COL26A1: variants seen among roughly 807,000 people sequenced by gnomAD.
COL26A1 encodes collagen type XXVI alpha 1 chain, also known as collagen alpha-1(XXVI) chain.
Under a neutral mutation model 59.3 loss-of-function variants are expected in COL26A1, and 41 were observed. That is an observed-to-expected ratio of 0.69 (90% confidence interval 0.54 to 0.90). COL26A1 has a LOEUF of 0.90. Among genes scored for constraint, COL26A1 ranks in the 40% least tolerant of loss-of-function variants. The pLI, the probability that COL26A1 is intolerant of heterozygous loss-of-function variation, is 0.00. For missense variants in COL26A1, 612 were observed against 602.3 expected (o/e 1.02, Z -0.17); for synonymous variants, 266 against 256.0 (o/e 1.04, Z -0.37).
chr7:101,489,760 T>C (rs1393243350), intron 3 of COL26A1, among the ~76,000 whole-genome samples: 182 of 4,080 alleles, frequency 0.045, 35 homozygotes, highest in South Asian at 0.074. Flanking sequence ...TTGTCTCTCT[T>C]TCTTTCTTTC....
chr7:101,434,763 A>G (rs888793739), intron 2 of COL26A1, among the ~76,000 whole-genome samples: 1 of 152,146 alleles, frequency 6.6e-6, no homozygotes, highest in African/African-American at 2.4e-5. Context: ...GGGGACAGTG[A>G]CCTTACCTGG....
rs772802864 is a variant in COL26A1 at position 101,558,481 on chromosome 7, C to T, written c.*951C>T. On this transcript the variant is annotated 3_prime_UTR_variant, in exon 13 of 13. Transcript: ENST00000313669. ...GCCTCTGCCCCACGAGTTTGTCTCT[C>T]AGTGGACTCTATAGGTTTGCTACTT... The T allele has an allele frequency of 6.6e-6, 1 of 152,274 alleles. No individual in the cohort carries two copies. Among genetic ancestry groups the T allele is most frequent in the Non-Finnish European group, 1.5e-5 (1 of 68,078 alleles). 9.4% of individuals were successfully genotyped at this position (152,274 alleles called of 1,614,324 possible). A position where few individuals can be genotyped will look rare whatever the true frequency, so the allele number is the denominator to read the frequency against.
intron 3 of COL26A1, among the ~76,000 whole-genome samples, chr7:101,456,670 T>TA (rs35656638): frequency 6.8e-5 from 10 of 147,876 alleles, no homozygotes; most frequent in Admixed American, 2.0e-4. Flanking sequence ...TCTCAAAAAA[T>TA]TATATATATA....
intron 2 of COL26A1, among the ~76,000 whole-genome samples, chr7:101,436,623 C>T (rs951096036): frequency 5.3e-5 from 8 of 152,100 alleles, no homozygotes; most frequent in African/African-American, 1.7e-4. Context: ...CTTTGGGCCA[C>T]ATCCACTTTG....
chr7:101,519,418 A>G (rs563628327), intron 3 of COL26A1, among the ~76,000 whole-genome samples: 1 of 152,286 alleles, frequency 6.6e-6, no homozygotes, highest in African/African-American at 2.4e-5. Flanking sequence ...TCAAGCGATC[A>G]TTCCACCTCA....
chr7:101,498,235 A>G lies in COL26A1; in HGVS notation c.386-34847A>G, dbSNP rs550837128. Among the ~76,000 whole-genome samples, 5 of 152,332 alleles carry G rather than the reference A, an allele frequency of 3.3e-5. No homozygotes were observed. The South Asian group carries it at 1.0e-3, about 32-fold the overall frequency. On this transcript the variant is annotated intron_variant, in intron 3 of 12. Coordinates refer to ENST00000313669, the MANE Select transcript of COL26A1 (RefSeq NM_001278563.3). ...TCTTTTTGGTGATGTGAATCTTAGC[A>G]TGAGTGACTCCATTTTGGTTTGGTC...
rs373646950 is a variant in COL26A1 at position 101,414,688 on chromosome 7, C to T, written c.159-5289C>T. On this transcript the variant is annotated intron_variant, in intron 1 of 12. Transcript: ENST00000313669. The stretch of plus-strand genomic sequence containing the variant: ...CTGACCTCATGTGATCCGCCCATCT[C>T]GGCCTCCCAAAGTGCTGGGATTACA... Among the ~76,000 whole-genome samples, 9 of 152,288 alleles carry T rather than the reference C, an allele frequency of 5.9e-5. No homozygotes were observed. The East Asian group carries it at 1.5e-3, about 26-fold the overall frequency.
rs776266251 is a variant in COL26A1 at position 101,400,257 on chromosome 7, G to A, written c.159-19720G>A. ...GCCTAGGGCTCAGGGGTTCAGGAGC[G>A]CAGGGAGATCCTTGCAGAAGGCCTG... On this transcript the variant is annotated intron_variant, in intron 1 of 12. Coordinates refer to ENST00000313669, the MANE Select transcript of COL26A1 (RefSeq NM_001278563.3). Among the ~76,000 whole-genome samples the A allele has an allele frequency of 6.0e-4, 91 of 152,028 alleles. 2 individuals carry two copies. The highest frequency in any genetic ancestry group is 4.2e-4 in the South Asian group (2 of 4,814).
intron 2 of COL26A1, among the ~76,000 whole-genome samples, chr7:101,427,383 G>A (rs909793648): frequency 7.9e-5 from 12 of 151,864 alleles, no homozygotes; most frequent in African/African-American, 1.4e-4. Context: ...TTTTTTTGGC[G>A]GGGCATGGTG....
In COL26A1 at chr7:101,420,111, T is replaced by G. The variant is rs199815666; in HGVS notation, c.281+12T>G. The G allele has an allele frequency of 2.3e-4, 371 of 1,611,766 alleles. No homozygotes were observed. In the African/African-American group the frequency reaches 4.2e-3, roughly 18 times the overall value. ...GCCAACCTCGTAAGGTAAAGGCCGC[T>G]GGGCTAGGCTGCTCTGCCCTTCCCT... On this transcript the variant is annotated intron_variant, in intron 2 of 12. Coordinates refer to ENST00000313669, the MANE Select transcript of COL26A1 (RefSeq NM_001278563.3).
At chr7:101,459,735 G>A (rs1793565845) in intron 3 of COL26A1, among the ~76,000 whole-genome samples, 2 of 152,054 alleles carry the variant, frequency 1.3e-5, no homozygotes, top group South Asian at 4.2e-4. Flanking sequence ...TTCTGAGTAG[G>A]GGATTTTTAC....
chr7:101,376,098 T>A (rs1225440100), intron 1 of COL26A1, among the ~76,000 whole-genome samples: 1 of 143,586 alleles, frequency 7.0e-6, no homozygotes, highest in Non-Finnish European at 1.5e-5. Context: ...CCCAGAAGCA[T>A]GAGCCCAGCC....
intron 3 of COL26A1, among the ~76,000 whole-genome samples, chr7:101,491,583 T>A (rs952712461): frequency 2.0e-5 from 3 of 152,180 alleles, no homozygotes; most frequent in African/African-American, 7.2e-5. Flanking sequence ...TATTTCTTGA[T>A]GATATGCTAA....
chr7:101,498,379 C>T (rs1584464273), intron 3 of COL26A1, among the ~76,000 whole-genome samples: 2 of 152,150 alleles, frequency 1.3e-5, no homozygotes, highest in East Asian at 1.9e-4. Flanking sequence ...CGGGGCTCCC[C>T]CTGGACACCC....
chr7:101,394,093 T>C (rs947290697), intron 1 of COL26A1, among the ~76,000 whole-genome samples: 2 of 152,026 alleles, frequency 1.3e-5, no homozygotes, highest in Non-Finnish European at 2.9e-5. Context: ...CCAATGCTTA[T>C]TGAGCACCTA....
chr7:101,541,716 C>T (rs1309961583), intron 5 of COL26A1, among the ~76,000 whole-genome samples: 2 of 152,114 alleles, frequency 1.3e-5, no homozygotes, highest in Non-Finnish European at 2.9e-5. Context: ...CTGGTCTGGG[C>T]TCTGCCACCT....
intron 3 of COL26A1, among the ~76,000 whole-genome samples, chr7:101,460,321 A>G (rs1198965770): frequency 6.6e-6 from 1 of 152,142 alleles, no homozygotes; most frequent in Non-Finnish European, 1.5e-5. Flanking sequence ...CACAGGAGGT[A>G]GAGATCTGGG....
chr7:101,425,842 T>C (rs1398332374), intron 2 of COL26A1, among the ~76,000 whole-genome samples: 2 of 150,396 alleles, frequency 1.3e-5, no homozygotes, highest in Non-Finnish European at 3.0e-5. Context: ...TTTTTTTTTT[T>C]TGGAGACGGA....
intron 1 of COL26A1, among the ~76,000 whole-genome samples, chr7:101,405,228 T>TAA (rs972796161): frequency 5.1e-4 from 73 of 144,260 alleles, no homozygotes; most frequent in Middle Eastern, 3.6e-3. Context: ...ACTCCGTCTC[T>TAA]AAAAAAAAAA....
Sources: gnomAD v4.1 joint callset for allele counts (sites outside exome capture counted in the v4.1 genomes callset) on GRCh38, gnomAD v4.1.1 for gene constraint, MANE v1.5 for transcripts, NCBI Gene and HGNC (gene_info 2026-07-23, HGNC 2026-07-21) for gene names.